DOT1L: variants seen among roughly 807,000 people sequenced by gnomAD.
DOT1L encodes histone-lysine N-methyltransferase, H3 lysine-79 specific.
DOT1L carries 33 observed loss-of-function variants against 153.3 expected under a neutral mutation model. The ratio of observed to expected loss-of-function variants is 0.22; its 90% CI spans 0.16 to 0.29. The LOEUF (loss-of-function observed/expected upper bound fraction) is 0.29. DOT1L is among the 10% of genes least tolerant of loss of function. The pLI, the probability that DOT1L is intolerant of heterozygous loss-of-function variation, is 1.00. For missense variants in DOT1L, 1,847 were observed against 2,119.9 expected, an observed-to-expected ratio of 0.87 and a Z score of 2.53; for synonymous variants, 1,135 against 965.1, an observed-to-expected ratio of 1.18 and a Z score of -3.26.
rs761437945 is a variant in DOT1L, at chr19:2,210,433, C to T, written c.1039C>T (p.Arg347Cys). 6 of 1,562,588 alleles carry T rather than the reference C, an allele frequency of 3.8e-6. No individual in the cohort carries two copies. The highest frequency in any genetic ancestry group is 5.2e-6 in the Non-Finnish European group (6 of 1,157,556). The change falls in exon 13 of 28, where the codon CGC (arginine) becomes TGC (cysteine). Residue 347 changes from arginine to cysteine, a missense_variant. This residue lies in a region of DOT1L where 205 missense variants were observed against 203.1 expected (regional missense o/e 1.01). Coordinates refer to ENST00000398665, the MANE Select transcript of DOT1L (RefSeq NM_032482.3). Reference sequence around the variant, plus strand: ...GGAGGCAGCCCGGCGCCGCCAGCAGCGCGAGAGCAAGAGCAACGCGGCCAC... The same window carrying T: ...GGAGGCAGCCCGGCGCCGCCAGCAGTGCGAGAGCAAGAGCAACGCGGCCAC... ...EQEAARRRQQ[R>C]ESKSNAATPT...
rs536127603 is a variant in DOT1L at position 2,229,932 on chromosome 19, C to T, written c.*140C>T. On this transcript the variant is annotated 3_prime_UTR_variant, in exon 28 of 28. Coordinates refer to ENST00000398665, the MANE Select transcript of DOT1L (RefSeq NM_032482.3). ...GGACGGGAGCTCCACTGTGAATCGG[C>T]GGCACGCGCCGCAGGAGGCTGGGAC... The T allele has an allele frequency of 7.6e-6, 11 of 1,448,650 alleles. No individual in the cohort carries two copies. Among genetic ancestry groups the T allele is most frequent in the African/African-American group, 5.6e-5 (4 of 71,562 alleles). The allele number at this position is 1,448,650 out of a possible 1,614,324, so 89.7% of individuals were successfully genotyped here.
In DOT1L at chr19:2,191,731, A is replaced by G. The variant is rs1053829723; in HGVS notation, c.493+491A>G. The stretch of plus-strand genomic sequence containing the variant: ...CCGGAGGCCCTCGCGCCCTCCCTGC[A>G]TCCCCAGTCTCCCTCGGCACCCCTG... On this transcript the variant is annotated intron_variant, in intron 5 of 27. Coordinates refer to ENST00000398665, the MANE Select transcript of DOT1L (RefSeq NM_032482.3). This position sits in a 1 kb window ranked among gnomAD's most constrained non-coding sequence, Gnocchi z 6.8. Among the ~76,000 whole-genome samples the G allele has an allele frequency of 1.4e-4, 22 of 151,798 alleles. No homozygotes were observed. Among genetic ancestry groups the G allele is most frequent in the African/African-American group, 5.3e-4 (22 of 41,382 alleles).
intron 1 of DOT1L, among the ~76,000 whole-genome samples, chr19:2,179,519 A>G (rs1599543314): frequency 6.6e-6 from 1 of 152,184 alleles, no homozygotes; most frequent in South Asian, 2.1e-4. Context: ...TAAAAAAGAC[A>G]TGGGCTGGCT....
At chr19:2,215,047 C>G (rs748485804) in intron 19 of DOT1L, among the ~76,000 whole-genome samples, 2 of 152,022 alleles carry the variant, frequency 1.3e-5, no homozygotes, top group African/African-American at 4.8e-5. Flanking sequence ...GGGACTCTGT[C>G]TCTAGCAAAA....
intron 2 of DOT1L, among the ~76,000 whole-genome samples, chr19:2,181,576 C>A (rs1041310757): frequency 6.6e-6 from 1 of 151,858 alleles, no homozygotes; most frequent in African/African-American, 2.4e-5. Context: ...TTGTGTAGGT[C>A]GGCCAGGGTG....
At chr19:2,175,435 G>A (rs1285603509) in intron 1 of DOT1L, among the ~76,000 whole-genome samples, 1 of 152,180 alleles carries the variant, frequency 6.6e-6, no homozygotes, top group Non-Finnish European at 1.5e-5. Context: ...TAAGTTGCTG[G>A]GACCCCAGGC....
rs994155370 is a variant in DOT1L at position 2,222,717 on chromosome 19, G to A, written c.3390+158G>A. The A allele has an allele frequency of 4.2e-6, 3 of 712,874 alleles. No individual in the cohort carries two copies. Among genetic ancestry groups the A allele is most frequent in the Admixed American group, 3.1e-5 (1 of 32,670 alleles). The allele number at this position is 712,874 out of a possible 1,614,324, so 44.2% of individuals were successfully genotyped here. On this transcript the variant is annotated intron_variant, in intron 24 of 27. Transcript: ENST00000398665. This position sits in a 1 kb window ranked among gnomAD's most constrained non-coding sequence, Gnocchi z 6.5. ...ACATCAAGACCATCCTGGCTAACAC[G>A]GTGAAACCCCGTCTCTACCAAAAAT...
In DOT1L at chr19:2,211,168, C is replaced by G. The variant is rs759039532; in HGVS notation, c.1421C>G (p.Pro474Arg). 1 of 1,612,490 alleles carries G rather than the reference C, an allele frequency of 6.2e-7. No individual in the cohort carries two copies. Among genetic ancestry groups the G allele is most frequent in the Non-Finnish European group, 8.5e-7 (1 of 1,179,582 alleles). The change falls in exon 15 of 28, where the codon CCG (proline) becomes CGG (arginine). Residue 474 changes from proline to arginine, a missense_variant. Around this residue, in one of 8 missense-constraint regions of DOT1L, gnomAD observed 205 missense variants for 203.1 expected, o/e 1.01. Coordinates refer to ENST00000398665, the MANE Select transcript of DOT1L (RefSeq NM_032482.3). ...PPSVQRHSPN[P>R]LLVAPTPPAL... Reference sequence around the variant, plus strand: ...AGCGTGCAGCGGCACTCCCCCAACCCGCTGCTGGTGGCGCCCACCCCGCCC... The same window carrying G: ...AGCGTGCAGCGGCACTCCCCCAACCGGCTGCTGGTGGCGCCCACCCCGCCC...
At position 2,190,630 on chromosome 19, in the gene DOT1L, T is replaced by G. The variant is rs528121742; in HGVS notation, c.265-382T>G. ...GATGAGGTGTGGTAGGCTCAGGGCT[T>G]TCACGGGGCTCGTGGCACCTGACGG... On this transcript the variant is annotated intron_variant, in intron 4 of 27. Transcript: ENST00000398665. The surrounding 1 kb of genome is among the most constrained non-coding windows in gnomAD (Gnocchi z 4.8). Among the ~76,000 whole-genome samples the G allele has an allele frequency of 7.9e-5, 12 of 152,122 alleles. No individual in the cohort carries two copies. The East Asian group carries it at 2.3e-3, about 30-fold the overall frequency.
chr19:2,221,786 CT>C, intron 23 of DOT1L, 189 bp from the exon 24 acceptor site: 1 of 628,586 alleles, frequency 1.6e-6, no homozygotes, highest in Non-Finnish European at 2.7e-6. Flanking sequence ...AGGGTCAGCC[CT>C]GAGCCTTGAG....
chr19:2,211,088 C>G lies in DOT1L; in HGVS notation c.1352-11C>G. On this transcript the variant is annotated splice_polypyrimidine_tract_variant and intron_variant, in intron 14 of 27. Transcript: ENST00000398665. ...CCGCCCTGTGCTGACGCCTGCCCTC[C>G]GCTCTCCCAGATGCCTACAGATCCC... 1 of 1,610,162 alleles carries G rather than the reference C, an allele frequency of 6.2e-7. No individual in the cohort carries two copies. Among genetic ancestry groups the G allele is most frequent in the Non-Finnish European group, 8.5e-7 (1 of 1,177,694 alleles).
At chr19:2,194,660 G>GGTGTTGGC in intron 7 of DOT1L, 83 bp downstream of exon 7, 1 of 1,484,616 alleles carries the variant, frequency 6.7e-7, no homozygotes, top group Non-Finnish European at 9.2e-7. Context: ...CTTTCTTGCC[G>GGTGTTGGC]ATGTTGGCAC....
At chr19:2,178,220 C>A (rs1312134132) in intron 1 of DOT1L, among the ~76,000 whole-genome samples, 1 of 147,842 alleles carries the variant, frequency 6.8e-6, no homozygotes, top group Non-Finnish European at 1.5e-5. Context: ...GTGTGAACCA[C>A]CATGCCTGGC....
rs987192206 is a variant in DOT1L at position 2,226,943 on chromosome 19, C to T, written c.4422C>T (p.Phe1474=). The T allele has an allele frequency of 6.6e-5, 105 of 1,584,294 alleles. No homozygotes were observed. The highest frequency in any genetic ancestry group is 1.7e-4 in the Middle Eastern group (1 of 5,806). ...FLGPFPPGPQ[F]ALGPMSLQAN... ...GCCCCTTCCCGCCGGGACCGCAGTT[C>T]GCGCTCGGCCCCATGTCCCTGCAGG... Residue 1474 remains phenylalanine, a synonymous_variant, in exon 27 of 28, where the codon TTC becomes TTT. Coordinates refer to ENST00000398665, the MANE Select transcript of DOT1L (RefSeq NM_032482.3).
chr19:2,221,898 A>C, intron 23 of DOT1L, 78 bp from the exon 24 acceptor site: 1 of 1,395,590 alleles, frequency 7.2e-7, no homozygotes. Flanking sequence ...CAGAGCTCCT[A>C]GGGGGTGGTG....
intron 24 of DOT1L, among the ~76,000 whole-genome samples, 152 bp from the exon 25 acceptor site, chr19:2,223,113 GAGGACCAGGAAGAACC>G (rs1442367610): frequency 6.6e-6 from 1 of 151,934 alleles, no homozygotes; most frequent in Non-Finnish European, 1.5e-5. Context: ...GGTGGTGTGT[GAGGACCAGGAAGAACC>G]AGGACAGGGG....
rs1568367931 is a variant in DOT1L, at chr19:2,222,484, C to T, written c.3315C>T (p.Pro1105=). The change falls in exon 24 of 28, where the codon CCC becomes CCT. Residue 1105 remains proline (P), a synonymous_variant. Transcript: ENST00000398665. This position sits in a 1 kb window ranked among gnomAD's most constrained non-coding sequence, Gnocchi z 6.5. ...CCAGCTTGAGCGCAGGCGTGTCCCC[C>T]AAGCGCCGAGCCCTGCCGTCCGTCG... is the stretch of plus-strand genomic sequence containing the variant. ...GTPSLSAGVS[P]KRRALPSVAG... is the part of the protein sequence containing the mutation. 6.3e-7 allele frequency: 1 copy of T among 1,596,686 alleles called. No individual in the cohort carries two copies. Among genetic ancestry groups the T allele is most frequent in the Non-Finnish European group, 8.5e-7 (1 of 1,174,276 alleles).
At chr19:2,213,372 G>A (rs187068837) in intron 16 of DOT1L, 167 bp from the exon 17 acceptor site, 8 of 619,092 alleles carry the variant, frequency 1.3e-5, no homozygotes, top group East Asian at 2.9e-5. Flanking sequence ...GTCCCCTCCC[G>A]CCGTGGCCTG....
intron 15 of DOT1L, 118 bp from the exon 16 acceptor site, chr19:2,211,633 G>C (rs1425597276): frequency 8.2e-6 from 7 of 853,072 alleles, no homozygotes; most frequent in South Asian, 1.7e-5. Context: ...CTGAGCTCCT[G>C]CCTCATGAGT....
Sources: allele counts gnomAD v4.1 joint callset (sites outside exome capture counted in the v4.1 genomes callset), GRCh38; gene constraint gnomAD v4.1.1; regional missense constraint gnomAD v4.1.1; non-coding constraint Gnocchi (gnomAD v3.1); transcripts MANE v1.5; gene names NCBI Gene and HGNC (gene_info 2026-07-23, HGNC 2026-07-21).